KAT2B: variants seen among roughly 807,000 people sequenced by gnomAD.
The protein encoded by KAT2B is lysine acetyltransferase 2B, also known as histone acetyltransferase KAT2B.
Under a neutral mutation model 105.9 loss-of-function variants are expected in KAT2B, and 36 were observed. The ratio of observed to expected loss-of-function variants is 0.34; its 90% CI spans 0.26 to 0.45. The LOEUF (loss-of-function observed/expected upper bound fraction) is 0.45. Ranked by LOEUF, KAT2B falls within the 20% of genes least tolerant of loss-of-function variation. The pLI, the probability that KAT2B is intolerant of heterozygous loss-of-function variation, is 1.00. For missense variants in KAT2B, 820 were observed against 1,021.6 expected (o/e 0.80, Z 2.69); for synonymous variants, 397 against 377.9 (o/e 1.05, Z -0.59).
chr3:20,137,881 C>T (rs998786439), intron 12 of KAT2B, among the ~76,000 whole-genome samples: 1 of 152,166 alleles, frequency 6.6e-6, no homozygotes. Context: ...GTGGCTTATG[C>T]CTGTAATCCT....
At chr3:20,050,587 A>G (rs1348796514) in intron 1 of KAT2B, among the ~76,000 whole-genome samples, 6 of 152,240 alleles carry the variant, frequency 3.9e-5, no homozygotes, top group Non-Finnish European at 7.3e-5. Flanking sequence ...AGATGCATCT[A>G]TATTATTGCA....
chr3:20,041,031 A>G (rs1022386224), intron 1 of KAT2B, among the ~76,000 whole-genome samples: 1 of 152,112 alleles, frequency 6.6e-6, no homozygotes, highest in Admixed American at 6.5e-5. Context: ...TGAAAGGAGT[A>G]GCTTCGGCAT....
chr3:20,072,287 G>C, intron 1 of KAT2B, 46 bp from the exon 2 acceptor site: 1 of 1,597,762 alleles, frequency 6.3e-7, no homozygotes, highest in Non-Finnish European at 8.6e-7. Context: ...ATCAGTCCAC[G>C]GCTGCCTGTT....
chr3:20,143,007 G>T (rs192758413), intron 13 of KAT2B, among the ~76,000 whole-genome samples: 90 of 152,128 alleles, frequency 5.9e-4, no homozygotes, highest in African/African-American at 2.0e-3. Context: ...AAGGAATTGG[G>T]GTTGGAGAAG....
chr3:20,111,928 C>T lies in KAT2B; in HGVS notation c.1043+141C>T. On this transcript the variant is annotated intron_variant, in intron 6 of 17. Transcript: ENST00000263754. ...GGATGGGAGAAAAGACCCTCAGTTC[C>T]CTTTGTGAATCTTCTTGGGTATTTT... 4.4e-6 allele frequency: 3 copies of T among 679,600 alleles called. No homozygotes were observed. In the South Asian group the frequency reaches 5.9e-5, roughly 13 times the overall value. 42.1% of individuals were successfully genotyped at this position (679,600 alleles called of 1,614,324 possible).
chr3:20,094,920 A>G (rs1443944834), intron 2 of KAT2B, among the ~76,000 whole-genome samples: 1 of 152,178 alleles, frequency 6.6e-6, no homozygotes, highest in Non-Finnish European at 1.5e-5. Context: ...GACATGGTGG[A>G]GAATTTGCTT....
chr3:20,142,790 A>G (rs1291563658), intron 13 of KAT2B, among the ~76,000 whole-genome samples: 1 of 139,750 alleles, frequency 7.2e-6, no homozygotes, highest in East Asian at 1.9e-4. Flanking sequence ...TTGTGGGCAC[A>G]TGAACAGGTA....
Position 20,146,401 on chromosome 3 carries a change from A to G in KAT2B, c.2090A>G (p.Gln697Arg). ...TCATGTTTTAAAGATGGAGTTCGAC[A>G]GATTCCTATAGAAAGCATTCCTGGA... ...GLSCFKDGVR[Q>R]IPIESIPGIR... The change falls in exon 14 of 18, where the codon CAG becomes CGG. Residue 697 changes from glutamine (Q) to arginine (R), a missense_variant. Coordinates refer to ENST00000263754, the MANE Select transcript of KAT2B (RefSeq NM_003884.5). 1.2e-6 allele frequency: 2 copies of G among 1,611,900 alleles called. No homozygotes were observed. Among genetic ancestry groups the G allele is most frequent in the Non-Finnish European group, 1.7e-6 (2 of 1,178,076 alleles).
chr3:20,148,292 C>G lies in KAT2B; in HGVS notation c.2206C>G (p.Leu736Val), dbSNP rs1266465772. Residue 736 changes from leucine (L) to valine (V), a missense_variant, in exon 16 of 18, where the codon CTC becomes GTC. Leu to Val is a conservative substitution (Grantham distance 32). This residue lies in a region of KAT2B where 227 missense variants were observed against 292.9 expected (regional missense o/e 0.77). Transcript: ENST00000263754. ...DQLYSTLKSILQQVKSHQSAW... is the reference protein window; with the variant it reads ...DQLYSTLKSIVQQVKSHQSAW... Reference sequence around the variant, plus strand: ...GCTTTACAGCACGCTCAAGAGCATCCTCCAGCAGGTGAAGGTGGGTGTCCT... The same window carrying G: ...GCTTTACAGCACGCTCAAGAGCATCGTCCAGCAGGTGAAGGTGGGTGTCCT... The G allele has an allele frequency of 6.2e-7, 1 of 1,614,032 alleles. No homozygotes were observed. Among genetic ancestry groups the G allele is most frequent in the Admixed American group, 1.7e-5 (1 of 60,014 alleles).
At chr3:20,074,887 T>C (rs1036520865) in intron 2 of KAT2B, among the ~76,000 whole-genome samples, 1 of 152,206 alleles carries the variant, frequency 6.6e-6, no homozygotes, top group Non-Finnish European at 1.5e-5. Flanking sequence ...ACTAAGAAGT[T>C]GGTCCTTTCC....
intron 17 of KAT2B, chr3:20,148,701 C>G: frequency 4.3e-6 from 2 of 463,384 alleles, no homozygotes; most frequent in Non-Finnish European, 7.6e-6. Flanking sequence ...TTAGAGCCCA[C>G]ATGAGCTTAA....
At position 20,101,451 on chromosome 3, in the gene KAT2B, C is replaced by T. The variant is rs372942971; in HGVS notation, c.834C>T (p.Tyr278=). The change falls in exon 5 of 18, where the codon TAC becomes TAT. Residue 278 remains tyrosine, a synonymous_variant. Transcript: ENST00000263754. ...LRSPNDDISG[Y]KENYTRWLCY... Reference sequence around the variant, plus strand: ...CTCCCAATGATGATATTTCTGGATACAAAGAGAACTACACAAGGTAATCAG... The same window carrying T: ...CTCCCAATGATGATATTTCTGGATATAAAGAGAACTACACAAGGTAATCAG... The T allele has an allele frequency of 2.2e-5, 35 of 1,613,870 alleles. No homozygotes were observed. Among genetic ancestry groups the T allele is most frequent in the African/African-American group, 2.0e-4 (15 of 74,926 alleles).
chr3:20,065,854 G>A (rs1401825877), intron 1 of KAT2B, among the ~76,000 whole-genome samples: 5 of 152,116 alleles, frequency 3.3e-5, no homozygotes, highest in Non-Finnish European at 5.9e-5. Flanking sequence ...CTGGGGCTTG[G>A]GGGTGGAGTC....
intron 1 of KAT2B, among the ~76,000 whole-genome samples, chr3:20,049,508 T>TC (rs1697877234): frequency 6.6e-6 from 1 of 152,192 alleles, no homozygotes; most frequent in African/African-American, 2.4e-5. Context: ...CCCAAGTAGA[T>TC]CCTCTTTCCT....
intron 7 of KAT2B, among the ~76,000 whole-genome samples, chr3:20,116,461 C>G (rs1264287638): frequency 6.6e-6 from 1 of 152,138 alleles, no homozygotes; most frequent in African/African-American, 2.4e-5. Context: ...TTGAAATGCA[C>G]TGTATACTGT....
Position 20,040,568 on chromosome 3 carries a change from G to A in KAT2B, c.91G>A (p.Ala31Thr), listed in dbSNP as rs1697694135. ...CGGGGCGCTGCCCCCGCAGCCTGCG[G>A]CGCTTCCGCCCGCGCCCCCGCAGGG... ...GPGALPPQPA[A>T]LPPAPPQGSP... Residue 31 changes from alanine to threonine, a missense_variant, in exon 1 of 18, where the codon GCG (alanine) becomes ACG (threonine). By Grantham distance (58) the Ala-to-Thr change is moderately conservative. Transcript: ENST00000263754. The A allele has an allele frequency of 9.0e-7, 1 of 1,108,758 alleles. No homozygotes were observed. Among genetic ancestry groups the A allele is most frequent in the Non-Finnish European group, 1.1e-6 (1 of 910,154 alleles). The allele number at this position is 1,108,758 out of a possible 1,614,324, so 68.7% of individuals were successfully genotyped here.
chr3:20,097,736 A>G (rs553399019), intron 3 of KAT2B, among the ~76,000 whole-genome samples: 2 of 151,746 alleles, frequency 1.3e-5, no homozygotes, highest in Non-Finnish European at 2.9e-5. Flanking sequence ...GGGGTTTCAC[A>G]TTGTCGGCCA....
intron 2 of KAT2B, among the ~76,000 whole-genome samples, chr3:20,081,471 T>C (rs1268620637): frequency 6.6e-6 from 1 of 152,060 alleles, no homozygotes; most frequent in Non-Finnish European, 1.5e-5. Context: ...CACTGAGAGG[T>C]GCCAAGGTAT....
intron 2 of KAT2B, among the ~76,000 whole-genome samples, chr3:20,082,452 T>C (rs1435482020): frequency 6.6e-6 from 1 of 152,200 alleles, no homozygotes; most frequent in Non-Finnish European, 1.5e-5. Context: ...CCCAAAAATG[T>C]TCTTTATAAC....
Sources: allele counts gnomAD v4.1 joint callset (sites outside exome capture counted in the v4.1 genomes callset), GRCh38; gene constraint gnomAD v4.1.1; regional missense constraint gnomAD v4.1.1; transcripts MANE v1.5; gene names NCBI Gene and HGNC (gene_info 2026-07-23, HGNC 2026-07-21).